ROBO2: variants seen among roughly 807,000 people sequenced by gnomAD.
ROBO2 encodes the protein roundabout guidance receptor 2.
Under a neutral mutation model 160.8 loss-of-function variants are expected in ROBO2, and 53 were observed. The observed-to-expected ratio is 0.33, with a 90% confidence interval of 0.26 to 0.41. ROBO2 has a LOEUF of 0.41. ROBO2 is among the 10% of genes least tolerant of loss of function. The probability of loss-of-function intolerance (pLI) is 1.00; values close to 1 mark genes in which losing one functional copy is unlikely to be tolerated. For synonymous variants in ROBO2, 664 were observed against 611.7 expected (o/e 1.09, Z -1.26); for missense variants, 1,577 against 1,722.4 (o/e 0.92, Z 1.49).
Position 75,962,198 on chromosome 3 carries a change from G to T in ROBO2, c.109+24596G>T, listed in dbSNP as rs533674862. Among the ~76,000 whole-genome samples the T allele has an allele frequency of 2.7e-4, 41 of 151,756 alleles. No homozygotes were observed. In the South Asian group the frequency reaches 6.9e-3, roughly 25 times the overall value. On this transcript the variant is annotated intron_variant, in intron 2 of 26. Coordinates refer to the ROBO2 transcript ENST00000487694. ...GCAAAAGAAAAATAACTCATCCATA[G>T]AAGGAAACGACTTTATGATTAACAT...
chr3:77,323,581 A>G (rs1048675373), intron 2 of ROBO2, among the ~76,000 whole-genome samples: 2 of 152,102 alleles, frequency 1.3e-5, no homozygotes, highest in Admixed American at 6.6e-5. Flanking sequence ...ATGCCTTTGG[A>G]CTCTATTTGT....
chr3:76,472,436 G>A (rs1011096684), intron 2 of ROBO2, among the ~76,000 whole-genome samples: 8 of 151,810 alleles, frequency 5.3e-5, no homozygotes, highest in African/African-American at 9.7e-5. Flanking sequence ...AATTTGTTAC[G>A]CAAAGGAATG....
intron 2 of ROBO2, among the ~76,000 whole-genome samples, chr3:77,177,206 TC>T (rs1231190550): frequency 1.3e-5 from 2 of 152,028 alleles, no homozygotes; most frequent in South Asian, 4.1e-4. Flanking sequence ...TAACAAAATT[TC>T]AAGTCCAAAA....
At chr3:77,520,518 G>T (rs1310272429) in intron 5 of ROBO2, among the ~76,000 whole-genome samples, 2 of 150,922 alleles carry the variant, frequency 1.3e-5, no homozygotes, top group African/African-American at 4.9e-5. Context: ...TACAATATAG[G>T]TATCTTTTAT....
At chr3:77,179,138 G>A (rs549271214) in intron 2 of ROBO2, among the ~76,000 whole-genome samples, 11 of 151,444 alleles carry the variant, frequency 7.3e-5, no homozygotes, top group African/African-American at 2.7e-4. Context: ...TTAAAAATCT[G>A]TCTTTTCCTA....
chr3:76,023,855 GA>G (rs1393316389), intron 2 of ROBO2, among the ~76,000 whole-genome samples: 1 of 151,316 alleles, frequency 6.6e-6, no homozygotes, highest in Non-Finnish European at 1.5e-5. Context: ...GTATCTACAA[GA>G]AAAGTGCAAT....
chr3:77,428,790 T>C (rs1042367973), intron 2 of ROBO2, among the ~76,000 whole-genome samples: 1 of 152,204 alleles, frequency 6.6e-6, no homozygotes, highest in African/African-American at 2.4e-5. Flanking sequence ...TTAGTAGTCA[T>C]GTTGATCTAT....
chr3:76,969,411 C>CT (rs1156799786), intron 2 of ROBO2, among the ~76,000 whole-genome samples: 1 of 152,046 alleles, frequency 6.6e-6, no homozygotes, highest in African/African-American at 2.4e-5. Context: ...GCAAGAGACT[C>CT]TTTAAGCTGC....
At chr3:76,227,236 G>A (rs760774215) in intron 2 of ROBO2, among the ~76,000 whole-genome samples, 8 of 152,104 alleles carry the variant, frequency 5.3e-5, no homozygotes, top group Admixed American at 2.0e-4. Context: ...ATTGCTGGTC[G>A]GCCTGTCGTT....
chr3:76,814,015 G>A (rs1316871919), intron 2 of ROBO2, among the ~76,000 whole-genome samples: 1 of 151,974 alleles, frequency 6.6e-6, no homozygotes, highest in African/African-American at 2.4e-5. Context: ...AAATACATAT[G>A]CCTGAGAAAC....
chr3:76,288,798 G>A (rs1412150565), intron 2 of ROBO2, among the ~76,000 whole-genome samples: 3 of 152,068 alleles, frequency 2.0e-5, no homozygotes, highest in Non-Finnish European at 4.4e-5. Context: ...AGCTCTATCC[G>A]TGTTGCTGCA....
chr3:76,397,171 A>C (rs572819201), intron 2 of ROBO2, among the ~76,000 whole-genome samples: 5 of 152,318 alleles, frequency 3.3e-5, no homozygotes, highest in Admixed American at 6.5e-5. Context: ...GTAACGCCCC[A>C]TATCTACAAC....
chr3:77,640,097 A>ATTTTTTTTTTTTTTTTT lies in ROBO2; in HGVS notation c.3935-4591_3935-4575dup, dbSNP rs71104695. On this transcript the variant is annotated intron_variant, in intron 24 of 25. Transcript: ENST00000461745. Reference sequence around the variant, plus strand: ...AGAGAAGAAACACTGCAGAGGAAGCATTTTTTTTTTTTTTTTTTTTTTTTT... The same window carrying ATTTTTTTTTTTTTTTTT: ...AGAGAAGAAACACTGCAGAGGAAGCATTTTTTTTTTTTTTTTTTTTTTTTTTTTTTTTTTTTTTTTTT... Among the ~76,000 whole-genome samples the ATTTTTTTTTTTTTTTTT allele has an allele frequency of 2.4e-4, 16 of 65,486 alleles. 2 individuals carry two copies. Among genetic ancestry groups the ATTTTTTTTTTTTTTTTT allele is most frequent in the East Asian group, 5.1e-4 (1 of 1,956 alleles). 43.0% of individuals were successfully genotyped at this position (65,486 alleles called of 152,430 possible).
chr3:76,715,242 A>G (rs1311596823), intron 2 of ROBO2, among the ~76,000 whole-genome samples: 1 of 152,168 alleles, frequency 6.6e-6, no homozygotes, highest in Non-Finnish European at 1.5e-5. Flanking sequence ...AATTCTAAGG[A>G]AAAAAGTTAA....
chr3:77,548,575 A>T (rs1366386013), intron 7 of ROBO2, among the ~76,000 whole-genome samples: 1 of 152,056 alleles, frequency 6.6e-6, no homozygotes, highest in Non-Finnish European at 1.5e-5. Flanking sequence ...TAAACATAGG[A>T]TATTTAAATA....
intron 2 of ROBO2, among the ~76,000 whole-genome samples, chr3:77,281,631 T>C (rs528228286): frequency 6.6e-6 from 1 of 152,266 alleles, no homozygotes; most frequent in East Asian, 1.9e-4. Flanking sequence ...TAAAATAACA[T>C]ATTATTTGCC....
chr3:77,586,107 G>A (rs926804092), intron 16 of ROBO2, among the ~76,000 whole-genome samples: 5 of 152,054 alleles, frequency 3.3e-5, no homozygotes, highest in South Asian at 2.1e-4. Flanking sequence ...TTACACTGGC[G>A]TAACATTGGT....
intron 2 of ROBO2, among the ~76,000 whole-genome samples, chr3:76,028,782 A>G (rs79470328): frequency 1.6e-4 from 25 of 152,084 alleles, no homozygotes; most frequent in African/African-American, 6.0e-4. Context: ...TAAGCTACTG[A>G]CTAGATTTTA....
At chr3:75,906,814 G>C (rs1339210259) in exon 1 of ROBO2, 1 of 152,340 alleles carries the variant, frequency 6.6e-6, no homozygotes. Context: ...ACAGAGAGTG[G>C]GAGAAACCGG....
Sources: gnomAD v4.1 joint callset for allele counts (sites outside exome capture counted in the v4.1 genomes callset) on GRCh38, gnomAD v4.1.1 for gene constraint, MANE v1.5 for transcripts, NCBI Gene and HGNC (gene_info 2026-07-23, HGNC 2026-07-21) for gene names.